Variants in RYR1 observed in about 807,000 individuals in gnomAD.
RYR1 encodes central core disease of muscle.
In RYR1, 342 loss-of-function variants were observed where a neutral mutation model predicts 583.5. The ratio of observed to expected loss-of-function variants is 0.59; its 90% CI spans 0.54 to 0.64. The LOEUF (loss-of-function observed/expected upper bound fraction) is 0.64, where lower values mean the gene tolerates loss of function less well. RYR1 is among the 30% of genes least tolerant of loss of function. The pLI, the probability that RYR1 is intolerant of heterozygous loss-of-function variation, is 0.00. For missense variants in RYR1, 6,032 were observed against 6,917.2 expected, an observed-to-expected ratio of 0.87 and a Z score of 4.54; for synonymous variants, 2,791 against 2,822.5, an observed-to-expected ratio of 0.99 and a Z score of 0.35.
Position 38,499,636 on chromosome 19 carries a change from C to A in RYR1, c.7029C>A (p.Gly2343=), listed in dbSNP as rs138617219. 5 of 1,597,620 alleles carry A rather than the reference C, an allele frequency of 3.1e-6. No individual in the cohort carries two copies. Among genetic ancestry groups the A allele is most frequent in the Non-Finnish European group, 4.2e-6 (5 of 1,179,854 alleles). ...DFLRFAVFVN[G]ESVEENANVV... Reference sequence around the variant, plus strand: ...CCCTTTCCCCATGCGGGTGGCCAGGCGAGAGCGTGGAGGAGAACGCCAATG... The same window carrying A: ...CCCTTTCCCCATGCGGGTGGCCAGGAGAGAGCGTGGAGGAGAACGCCAATG... Residue 2343 remains glycine, a splice_region_variant and synonymous_variant, in exon 44 of 106, where the codon GGC becomes GGA. Coordinates refer to ENST00000359596, the MANE Select transcript of RYR1 (RefSeq NM_000540.3). This position sits in a 1 kb window ranked among gnomAD's most constrained non-coding sequence, Gnocchi z 7.3.
At chr19:38,573,766 C>G (rs1039290600) in intron 96 of RYR1, among the ~76,000 whole-genome samples, 2 of 151,898 alleles carry the variant, frequency 1.3e-5, no homozygotes, top group African/African-American at 4.8e-5. Context: ...CTCTTTCTTT[C>G]CATAAAAGAG....
intron 57 of RYR1, 50 bp from the exon 58 acceptor site, chr19:38,507,662 A>G (rs750995693): frequency 7.5e-6 from 9 of 1,202,646 alleles, no homozygotes; most frequent in Non-Finnish European, 1.1e-5. Flanking sequence ...AGGGTGGGAA[A>G]CTGTAGGGCC....
At chr19:38,505,571 C>T (rs925415796) in intron 53 of RYR1, among the ~76,000 whole-genome samples, 173 bp downstream of exon 53, 5 of 152,096 alleles carry the variant, frequency 3.3e-5, no homozygotes, top group African/African-American at 9.7e-5. Context: ...GTAGAGACTC[C>T]GAGAGAGTGG....
At position 38,469,525 on chromosome 19, in the gene RYR1, G is replaced by A; in HGVS notation, c.3765+12G>A. 3.1e-6 allele frequency: 5 copies of A among 1,610,766 alleles called. No individual in the cohort carries two copies. The highest frequency in any genetic ancestry group is 4.2e-6 in the Non-Finnish European group (5 of 1,177,268). On this transcript the variant is annotated intron_variant, in intron 27 of 105. Transcript: ENST00000359596. ...ACCCTCACTATGAGGTAAGGACTGA[G>A]CCCCTCAATGCCTTCTCATCTGCCT...
intron 16 of RYR1, among the ~76,000 whole-genome samples, chr19:38,457,065 A>AAAAG (rs1967448093): frequency 6.6e-6 from 1 of 150,420 alleles, no homozygotes; most frequent in Non-Finnish European, 1.5e-5. Context: ...AAAAAAAAAA[A>AAAAG]AAAAAAGGAA....
chr19:38,535,428 T>G (rs1971923949), intron 81 of RYR1, 36 bp downstream of exon 81: 1 of 1,535,352 alleles, frequency 6.5e-7, no homozygotes, highest in African/African-American at 1.4e-5. Context: ...TTAAGCTGTG[T>G]TTGGTGCCAC....
chr19:38,445,532 A>C (rs562478831), intron 7 of RYR1, among the ~76,000 whole-genome samples: 1 of 152,264 alleles, frequency 6.6e-6, no homozygotes, highest in South Asian at 2.1e-4. Context: ...CTCAAACCAC[A>C]GATGGTTTTT....
At chr19:38,528,226 C>A in intron 73 of RYR1, 80 bp from the exon 74 acceptor site, 2 of 1,189,130 alleles carry the variant, frequency 1.7e-6, no homozygotes, top group Non-Finnish European at 2.5e-6. Flanking sequence ...GACTTCGACA[C>A]AGCTGGGCAG....
chr19:38,523,404 C>T (rs988927366), intron 69 of RYR1, 95 bp downstream of exon 69: 1 of 1,445,044 alleles, frequency 6.9e-7, no homozygotes, highest in South Asian at 1.1e-5. Context: ...GCCAGCCCGT[C>T]CTGGGCGCAA....
chr19:38,585,080 C>T lies in RYR1; in HGVS notation c.14784C>T (p.Ile4928=). ...DITFFFFVIV[I]LLAIIQGLII... ...CCTTCTTCTTCTTCGTCATCGTCATCCTGTTGGCCATCATCCAGGGTCAGT... is the reference window on the plus strand; with the variant it reads ...CCTTCTTCTTCTTCGTCATCGTCATTCTGTTGGCCATCATCCAGGGTCAGT... Residue 4928 remains isoleucine, a synonymous_variant, in exon 102 of 106, where the codon ATC becomes ATT. Coordinates refer to ENST00000359596, the MANE Select transcript of RYR1 (RefSeq NM_000540.3). The T allele has an allele frequency of 6.2e-7, 1 of 1,613,900 alleles. No homozygotes were observed.
At position 38,507,734 on chromosome 19, in the gene RYR1, G is replaced by A; in HGVS notation, c.8839G>A (p.Asp2947Asn). ...CAGAGGCCTTAAGGACATGGAACTG[G>A]ACTCGTCTTCCATTGAAAAGCGGTT... ...VTRGLKDMELDSSSIEKRFAF... is the reference protein window; with the variant it reads ...VTRGLKDMELNSSSIEKRFAF... The change falls in exon 58 of 106, where the codon GAC becomes AAC. Residue 2947 changes from aspartate (D) to asparagine (N), a missense_variant. Around this residue, in one of 11 missense-constraint regions of RYR1, gnomAD observed 1,493 missense variants for 1,715.5 expected, o/e 0.87. Transcript: ENST00000359596. The A allele has an allele frequency of 6.2e-7, 1 of 1,613,000 alleles. No homozygotes were observed. Among genetic ancestry groups the A allele is most frequent in the South Asian group, 1.1e-5 (1 of 91,040 alleles).
intron 31 of RYR1, among the ~76,000 whole-genome samples, chr19:38,481,014 A>G (rs970457186): frequency 6.6e-6 from 1 of 151,962 alleles, no homozygotes; most frequent in Non-Finnish European, 1.5e-5. Flanking sequence ...AGTGTGAGGC[A>G]GCATGCTCAA....
At chr19:38,518,055 G>C (rs1294770075) in intron 66 of RYR1, among the ~76,000 whole-genome samples, 1 of 152,076 alleles carries the variant, frequency 6.6e-6, no homozygotes, top group African/African-American at 2.4e-5. Context: ...GGAGTTGGAG[G>C]CTGCAGTGAG....
At chr19:38,528,146 A>G (rs1260774390) in intron 73 of RYR1, 160 bp from the exon 74 acceptor site, 1 of 706,890 alleles carries the variant, frequency 1.4e-6, no homozygotes, top group Non-Finnish European at 2.5e-6. Context: ...CTGGAGGCGG[A>G]GTCAGGACCC....
chr19:38,504,490 AGGATCTATG>A, intron 50 of RYR1, 130 bp downstream of exon 50: 1 of 1,264,688 alleles, frequency 7.9e-7, no homozygotes, highest in Non-Finnish European at 1.1e-6. Context: ...TGGATCTAGG[AGGATCTATG>A]GGTTGAGGCT....
chr19:38,570,783 C>A, intron 94 of RYR1, 90 bp downstream of exon 94: 3 of 1,104,788 alleles, frequency 2.7e-6, no homozygotes, highest in Middle Eastern at 2.7e-4. Flanking sequence ...AGGGTTCCTC[C>A]ACTGAAGGGA....
At chr19:38,583,831 T>C (rs1181648385) in intron 101 of RYR1, among the ~76,000 whole-genome samples, 1 of 151,904 alleles carries the variant, frequency 6.6e-6, no homozygotes, top group African/African-American at 2.4e-5. Flanking sequence ...AAATGCCACA[T>C]CCTACAGGAA....
chr19:38,584,896 C>T (rs1974398734), intron 101 of RYR1, 47 bp from the exon 102 acceptor site: 1 of 1,611,220 alleles, frequency 6.2e-7, no homozygotes, highest in Admixed American at 1.7e-5. Context: ...GGCTGGTACT[C>T]AGTGAATGTC....
chr19:38,569,210 C>T (rs1439736192), intron 93 of RYR1, among the ~76,000 whole-genome samples: 1 of 152,122 alleles, frequency 6.6e-6, no homozygotes. Flanking sequence ...CGGGGTTTCA[C>T]CGTGTTAGCC....
Sources: gnomAD v4.1 joint callset for allele counts (sites outside exome capture counted in the v4.1 genomes callset) on GRCh38, gnomAD v4.1.1 for gene constraint, gnomAD v4.1.1 regional missense constraint, Gnocchi (gnomAD v3.1) non-coding constraint, MANE v1.5 for transcripts, NCBI Gene and HGNC (gene_info 2026-07-23, HGNC 2026-07-21) for gene names.